Variants in TSPAN11 observed in about 807,000 individuals in gnomAD.
TSPAN11 encodes the protein tetraspanin 11.
A neutral mutation model predicts 32.9 loss-of-function variants in TSPAN11; 29 were observed. That is an observed-to-expected ratio of 0.88 (90% CI 0.66 to 1.20). The LOEUF is 1.20. Among genes scored for constraint, TSPAN11 ranks in the 50% most tolerant of loss-of-function variants. TSPAN11 has a pLI of 0.00. For missense variants in TSPAN11, 283 were observed against 329.1 expected (o/e 0.86, Z 1.08); for synonymous variants, 140 against 141.3 (o/e 0.99, Z 0.07).
the TSPAN11 span, among the ~76,000 whole-genome samples, chr12:31,005,485 TG>T: frequency 1.6e-4 from 24 of 152,142 alleles, no homozygotes; most frequent in East Asian, 4.5e-3. Flanking sequence ...CCATCGGTGG[TG>T]GGGGTTCCTC....
In TSPAN11 at chr12:30,977,370, C is replaced by T. The variant is rs539452945; in HGVS notation, c.277-1191C>T. On this transcript the variant is annotated intron_variant, in intron 3 of 7. Coordinates refer to ENST00000546076, the MANE Select transcript of TSPAN11 (RefSeq NM_001370302.1). ...GGTGAGCCCTAGAGTCTCAGTCTCA[C>T]CCACAGGCTGGGCCTTCCCTAGAAT... Among the ~76,000 whole-genome samples the T allele has an allele frequency of 2.6e-5, 4 of 152,344 alleles. No individual in the cohort carries two copies. In the East Asian group the frequency reaches 7.8e-4, roughly 30 times the overall value.
chr12:30,963,080 C>G (rs1011104258), intron 2 of TSPAN11, among the ~76,000 whole-genome samples: 1 of 151,868 alleles, frequency 6.6e-6, no homozygotes, highest in African/African-American at 2.4e-5. Flanking sequence ...CCTATCCCTC[C>G]CCTCTTCTCA....
chr12:30,936,607 G>A (rs1017677041), intron 1 of TSPAN11, among the ~76,000 whole-genome samples: 1 of 152,198 alleles, frequency 6.6e-6, no homozygotes, highest in Non-Finnish European at 1.5e-5. Flanking sequence ...ATGGCTTAGT[G>A]TTGGGGTGGG....
Position 30,950,030 on chromosome 12 carries a change from C to T in TSPAN11, c.-11-3951C>T, listed in dbSNP as rs143455949. Among the ~76,000 whole-genome samples, 4 of 149,924 alleles carry T rather than the reference C, an allele frequency of 2.7e-5. No homozygotes were observed. The East Asian group carries it at 7.7e-4, about 29-fold the overall frequency. ...AGAATCTTTCCTCCCCTGCCTCTTACACACACTGCCTGCCTGATGGGACCT... is the reference window on the plus strand; with the variant it reads ...AGAATCTTTCCTCCCCTGCCTCTTATACACACTGCCTGCCTGATGGGACCT... On this transcript the variant is annotated intron_variant, in intron 1 of 7. Coordinates refer to ENST00000546076, the MANE Select transcript of TSPAN11 (RefSeq NM_001370302.1).
At chr12:31,009,328 CT>C in the TSPAN11 span, among the ~76,000 whole-genome samples, 1 of 152,210 alleles carries the variant, frequency 6.6e-6, no homozygotes, top group Non-Finnish European at 1.5e-5. Flanking sequence ...GTGGCTGCAA[CT>C]GTCTGTACCC....
In TSPAN11 at chr12:30,989,390, C is replaced by T. The variant is rs80212104; in HGVS notation, c.703-2466C>T. Among the ~76,000 whole-genome samples, 1,381 of 152,188 alleles carry T rather than the reference C, an allele frequency of 9.1e-3. 62 individuals are homozygous for T. In the East Asian group the frequency reaches 0.14, roughly 16 times the overall value. On this transcript the variant is annotated intron_variant, in intron 7 of 7. Transcript: ENST00000546076. ...ATAGCGTGTGCAAAGCCCTGGCTTGCAGGTGGGGAGCGGGGGTCTTTATCC... is the reference window on the plus strand; with the variant it reads ...ATAGCGTGTGCAAAGCCCTGGCTTGTAGGTGGGGAGCGGGGGTCTTTATCC...
chr12:30,969,152 A>G (rs2006982), intron 3 of TSPAN11, among the ~76,000 whole-genome samples: 66,384 of 152,116 alleles, frequency 0.44, 14,979 homozygotes, highest in Non-Finnish European at 0.49. Context: ...TCTGAGGGCC[A>G]TGGCTCCCAG....
chr12:31,000,372 C>G (rs572941389), downstream of TSPAN11, among the ~76,000 whole-genome samples: 5 of 152,350 alleles, frequency 3.3e-5, no homozygotes, highest in South Asian at 1.0e-3. Flanking sequence ...CTGGAGGATG[C>G]TCTTCCTTGG....
At chr12:31,008,732 G>C in the TSPAN11 span, among the ~76,000 whole-genome samples, 1 of 152,206 alleles carries the variant, frequency 6.6e-6, no homozygotes, top group Non-Finnish European at 1.5e-5. Flanking sequence ...TCTGTGCTCT[G>C]GACCATAAAA....
the TSPAN11 span, among the ~76,000 whole-genome samples, chr12:31,016,248 G>A: frequency 1.3e-5 from 2 of 152,186 alleles, no homozygotes; most frequent in South Asian, 2.1e-4. Flanking sequence ...GGATGGGGAC[G>A]CAAGGCGGGA....
chr12:30,972,262 C>T (rs770803871), intron 3 of TSPAN11, among the ~76,000 whole-genome samples: 5 of 152,054 alleles, frequency 3.3e-5, no homozygotes, highest in Non-Finnish European at 5.9e-5. Flanking sequence ...GGCACAGGGA[C>T]CATGAAGGCA....
chr12:31,000,325 C>T (rs1175206625), downstream of TSPAN11, among the ~76,000 whole-genome samples: 4 of 152,204 alleles, frequency 2.6e-5, no homozygotes, highest in Admixed American at 2.6e-4. Context: ...TGACCACCCC[C>T]TTCCCACACC....
intron 1 of TSPAN11, among the ~76,000 whole-genome samples, chr12:30,942,670 A>G (rs1258568973): frequency 6.6e-6 from 1 of 151,914 alleles, no homozygotes; most frequent in Non-Finnish European, 1.5e-5. Flanking sequence ...TTGCCTGATG[A>G]TAGGAGCAGA....
At chr12:30,937,448 C>T (rs558663826) in intron 1 of TSPAN11, among the ~76,000 whole-genome samples, 1 of 151,534 alleles carries the variant, frequency 6.6e-6, no homozygotes, top group Admixed American at 6.6e-5. Context: ...CGGCAGGGGG[C>T]AGTGGGGCAG....
In TSPAN11 at chr12:30,995,486, C is replaced by T. The variant is rs1486320845; in HGVS notation, c.*3571C>T. The T allele has an allele frequency of 6.6e-6, 1 of 152,256 alleles. No homozygotes were observed. Among genetic ancestry groups the T allele is most frequent in the African/African-American group, 2.4e-5 (1 of 41,420 alleles). 9.4% of individuals were successfully genotyped at this position (152,256 alleles called of 1,614,324 possible). ...TACATCCAGAAGGGCCCAGCACGGC[C>T]CTGTGGGGTGTGGGGGGAATATGGT... On this transcript the variant is annotated 3_prime_UTR_variant, in exon 8 of 8. Transcript: ENST00000546076.
At chr12:30,981,828 A>T (rs1939098947) in intron 5 of TSPAN11, among the ~76,000 whole-genome samples, 1 of 152,168 alleles carries the variant, frequency 6.6e-6, no homozygotes, top group Admixed American at 6.5e-5. Flanking sequence ...CCACCTCCAG[A>T]CATACACCAG....
rs144075034 is a variant in TSPAN11 at position 30,961,824 on chromosome 12, C to G, written c.85-2002C>G. Among the ~76,000 whole-genome samples the G allele has an allele frequency of 3.9e-5, 6 of 152,152 alleles. No homozygotes were observed. The East Asian group carries it at 1.2e-3, about 29-fold the overall frequency. The stretch of plus-strand genomic sequence containing the variant: ...GTTATGCAAAGTTGGGACCCTCACC[C>G]AAGCCTTCCAGGCATGCTGAAGGGG... On this transcript the variant is annotated intron_variant, in intron 2 of 7. Coordinates refer to ENST00000546076, the MANE Select transcript of TSPAN11 (RefSeq NM_001370302.1).
intron 2 of TSPAN11, among the ~76,000 whole-genome samples, 177 bp from the exon 3 acceptor site, chr12:30,963,649 C>T (rs549291865): frequency 1.3e-5 from 2 of 152,340 alleles, no homozygotes; most frequent in South Asian, 4.1e-4. Context: ...AGTCTCCTAA[C>T]CTCTCTCAGC....
At chr12:30,954,096 C>T (rs186681632) in intron 2 of TSPAN11, 21 bp downstream of exon 2, 2 of 1,571,310 alleles carry the variant, frequency 1.3e-6, no homozygotes, top group Non-Finnish European at 1.8e-6. Context: ...TCTGCACACA[C>T]ATCCTCTTCC....
Sources: allele counts gnomAD v4.1 joint callset (sites outside exome capture counted in the v4.1 genomes callset), GRCh38; gene constraint gnomAD v4.1.1; transcripts MANE v1.5; gene names NCBI Gene and HGNC (gene_info 2026-07-23, HGNC 2026-07-21).